Variants in SLC35F4 observed in about 807,000 individuals in gnomAD.
The protein encoded by SLC35F4 is chromosome 14 open reading frame 36.
In SLC35F4, 24 loss-of-function variants were observed where a neutral mutation model predicts 44.2. The ratio of observed to expected loss-of-function variants is 0.54; its 90% CI spans 0.39 to 0.76. The LOEUF (loss-of-function observed/expected upper bound fraction) is 0.76, where lower values mean the gene tolerates loss of function less well. Ranked by LOEUF, SLC35F4 falls within the 30% of genes least tolerant of loss-of-function variation. The probability of loss-of-function intolerance (pLI) is 0.00; values close to 1 mark genes in which losing one functional copy is unlikely to be tolerated. For missense variants in SLC35F4, 562 were observed against 586.1 expected (o/e 0.96, Z 0.42); for synonymous variants, 238 against 223.6 (o/e 1.06, Z -0.57).
At chr14:57,716,760 A>C (rs539641219) in intron 1 of SLC35F4, among the ~76,000 whole-genome samples, 1 of 152,316 alleles carries the variant, frequency 6.6e-6, no homozygotes, top group South Asian at 2.1e-4. Context: ...CTTCTTGCTG[A>C]AAATATACAG....
At chr14:57,618,583 C>T (rs894851827) in intron 1 of SLC35F4, among the ~76,000 whole-genome samples, 1 of 152,170 alleles carries the variant, frequency 6.6e-6, no homozygotes, top group African/African-American at 2.4e-5. Flanking sequence ...CCACCAGGGC[C>T]CTGGATTTCA....
At chr14:57,870,249 T>C (rs56255250), upstream of SLC35F4, among the ~76,000 whole-genome samples, 22 of 150,964 alleles carry the variant, frequency 1.5e-4, no homozygotes, top group Non-Finnish European at 2.8e-4. Context: ...TCTCTGTATG[T>C]TTCTCTCTGT....
chr14:57,751,180 G>A (rs1478389080), intron 1 of SLC35F4, among the ~76,000 whole-genome samples: 1 of 152,132 alleles, frequency 6.6e-6, no homozygotes, highest in Non-Finnish European at 1.5e-5. Flanking sequence ...CTAAAGCTTA[G>A]GAAGGTTATT....
At chr14:57,901,907 TGAA>T (rs1865166236) in intron 1 of SLC35F4, among the ~76,000 whole-genome samples, 1 of 152,084 alleles carries the variant, frequency 6.6e-6, no homozygotes. Context: ...AGAATTTCAG[TGAA>T]GGTCTTCTGA....
intron 2 of SLC35F4, 66 bp downstream of exon 2, chr14:57,593,873 G>T: frequency 6.5e-7 from 1 of 1,537,348 alleles, no homozygotes; most frequent in Non-Finnish European, 8.9e-7. Flanking sequence ...TGTGACAATG[G>T]CGAGATCTTT....
At chr14:57,606,296 A>T (rs1213349284) in intron 1 of SLC35F4, among the ~76,000 whole-genome samples, 1 of 152,042 alleles carries the variant, frequency 6.6e-6, no homozygotes, top group African/African-American at 2.4e-5. Context: ...AGACTGCAAG[A>T]CTACTTTGCT....
At chr14:57,974,048 C>G (rs742891), downstream of SLC35F4, among the ~76,000 whole-genome samples, 52,124 of 151,864 alleles carry the variant, frequency 0.34, 9,124 homozygotes, top group African/African-American at 0.43. Context: ...TTATGATTTT[C>G]TGAGTCAGGA....
intron 1 of SLC35F4, among the ~76,000 whole-genome samples, chr14:57,657,218 G>C (rs1484841080): frequency 1.3e-5 from 2 of 152,204 alleles, no homozygotes; most frequent in Non-Finnish European, 2.9e-5. Flanking sequence ...CCCATTTTGG[G>C]AGATGGAAGA....
At chr14:57,730,368 T>G (rs1352148885) in intron 1 of SLC35F4, among the ~76,000 whole-genome samples, 1 of 151,564 alleles carries the variant, frequency 6.6e-6, no homozygotes, top group African/African-American at 2.4e-5. Context: ...ATTGTGGTTT[T>G]GATTTGCACT....
chr14:57,879,571 T>A (rs940969905), intron 1 of SLC35F4, among the ~76,000 whole-genome samples: 7 of 152,192 alleles, frequency 4.6e-5, no homozygotes, highest in African/African-American at 7.2e-5. Flanking sequence ...ATGACTTTGC[T>A]GCTCCTTTTG....
intron 1 of SLC35F4, among the ~76,000 whole-genome samples, chr14:57,662,934 G>A (rs1212956293): frequency 2.0e-5 from 3 of 152,152 alleles, no homozygotes; most frequent in African/African-American, 4.8e-5. Context: ...CCTGGACTAT[G>A]GTTGACAGTG....
At chr14:57,953,833 CTT>C (rs915171330) in intron 1 of SLC35F4, among the ~76,000 whole-genome samples, 19 of 152,164 alleles carry the variant, frequency 1.2e-4, no homozygotes, top group Admixed American at 9.8e-4. Flanking sequence ...TAGTGGGAGA[CTT>C]TAACACCCCA....
intron 1 of SLC35F4, among the ~76,000 whole-genome samples, chr14:57,778,932 A>G (rs2077555578): frequency 6.6e-6 from 1 of 152,196 alleles, no homozygotes; most frequent in Non-Finnish European, 1.5e-5. Flanking sequence ...AATGAGAATA[A>G]TGATACAAAA....
At chr14:57,616,305 A>C (rs2071820851) in intron 1 of SLC35F4, among the ~76,000 whole-genome samples, 2 of 152,198 alleles carry the variant, frequency 1.3e-5, no homozygotes, top group South Asian at 4.1e-4. Context: ...TAAGGGTATA[A>C]TTTTCCAGAA....
chr14:57,661,582 A>AT (rs2074138863), intron 1 of SLC35F4, among the ~76,000 whole-genome samples: 1 of 152,230 alleles, frequency 6.6e-6, no homozygotes, highest in Non-Finnish European at 1.5e-5. Context: ...CCCTACTGAT[A>AT]ATAGAGATAA....
intron 1 of SLC35F4, among the ~76,000 whole-genome samples, chr14:57,857,577 C>A (rs114522768): frequency 8.6e-4 from 131 of 151,994 alleles, no homozygotes; most frequent in African/African-American, 3.1e-3. Context: ...CTTTATTGAG[C>A]AACAAAATAT....
intron 1 of SLC35F4, among the ~76,000 whole-genome samples, chr14:57,680,876 A>C (rs2074876027): frequency 6.6e-6 from 1 of 152,152 alleles, no homozygotes; most frequent in Admixed American, 6.5e-5. Context: ...GAGAGGACAC[A>C]AACAAATGGA....
At chr14:57,853,904 C>T (rs1351503644) in intron 1 of SLC35F4, among the ~76,000 whole-genome samples, 1 of 152,182 alleles carries the variant, frequency 6.6e-6, no homozygotes, top group East Asian at 1.9e-4. Context: ...TCCCATTTTG[C>T]TTCAGCTAGT....
At chr14:57,744,284 T>C (rs1178952193) in intron 1 of SLC35F4, among the ~76,000 whole-genome samples, 1 of 152,196 alleles carries the variant, frequency 6.6e-6, no homozygotes, top group Non-Finnish European at 1.5e-5. Context: ...GGAAGTCAAA[T>C]TGTCCCTGTT....
Sources: gnomAD v4.1 joint callset for allele counts (sites outside exome capture counted in the v4.1 genomes callset) on GRCh38, gnomAD v4.1.1 for gene constraint, MANE v1.5 for transcripts, NCBI Gene and HGNC (gene_info 2026-07-23, HGNC 2026-07-21) for gene names.